CABIN1: variants seen among roughly 807,000 people sequenced by gnomAD.
CABIN1 encodes the protein calcineurin binding protein 1.
In CABIN1, 133 loss-of-function variants were observed where a neutral mutation model predicts 227.7. The observed-to-expected ratio is 0.58, with a 90% CI of 0.51 to 0.67. CABIN1 has a LOEUF of 0.67. CABIN1 is among the 30% of genes least tolerant of loss of function. The pLI is 0.00. For synonymous variants in CABIN1, 1,086 were observed against 1,155.1 expected, an observed-to-expected ratio of 0.94 and a Z score of 1.21; for missense variants, 2,408 against 2,852.5, an observed-to-expected ratio of 0.84 and a Z score of 3.55.
chr22:24,100,473 G>A (rs1477353994), intron 26 of CABIN1, among the ~76,000 whole-genome samples: 1 of 152,236 alleles, frequency 6.6e-6, no homozygotes, highest in Non-Finnish European at 1.5e-5. Context: ...GGCCTCAAGG[G>A]GCCACACTGC....
intron 32 of CABIN1, among the ~76,000 whole-genome samples, chr22:24,167,623 A>G (rs1277779095): frequency 6.6e-6 from 1 of 152,226 alleles, no homozygotes; most frequent in East Asian, 1.9e-4. Flanking sequence ...TGTGGCTGTC[A>G]TCTAAAGATG....
At chr22:24,029,293 G>A (rs2036321176) in intron 1 of CABIN1, among the ~76,000 whole-genome samples, 1 of 152,218 alleles carries the variant, frequency 6.6e-6, no homozygotes, top group African/African-American at 2.4e-5. Context: ...GTTGGAGGTT[G>A]CAGTGAGCCT....
At chr22:24,030,020 G>A (rs2036383809) in intron 1 of CABIN1, among the ~76,000 whole-genome samples, 1 of 152,180 alleles carries the variant, frequency 6.6e-6, no homozygotes. Context: ...TTTTTGATTA[G>A]CATGTAATAC....
rs780394623 is a variant in CABIN1 at position 24,178,161 on chromosome 22, G to C, written c.6628G>C (p.Glu2210Gln). The change falls in exon 37 of 37, where the codon GAG becomes CAG. Residue 2210 changes from glutamate (E) to glutamine (Q), a missense_variant. Glu to Gln is a conservative substitution (Grantham distance 29). Transcript: ENST00000263119. ...TSSQESSLESETDEDDDYMDI is the reference protein window; with the variant it reads ...TSSQESSLESQTDEDDDYMDI Reference sequence around the variant, plus strand: ...CAGCCAGGAGTCCTCGCTGGAGAGCGAGACAGACGAGGACGACGACTACAT... The same window carrying C: ...CAGCCAGGAGTCCTCGCTGGAGAGCCAGACAGACGAGGACGACGACTACAT... 1 of 1,613,542 alleles carries C rather than the reference G, an allele frequency of 6.2e-7. No individual in the cohort carries two copies. Among genetic ancestry groups the C allele is most frequent in the Admixed American group, 1.7e-5 (1 of 60,024 alleles).
Position 24,014,969 on chromosome 22 carries a change from A to G in CABIN1, c.-75+3602A>G, listed in dbSNP as rs184447839. 6.4e-4 allele frequency among the ~76,000 whole-genome samples: 98 copies of G among 152,248 alleles called. 1 individual carries two copies. The highest frequency in any genetic ancestry group is 2.1e-3 in the African/African-American group (86 of 41,548). ...TAATTGTGTTTGCTTTTTTCACTTA[A>G]TAGTATGTTTTAGGCCAGGCGTGGT... On this transcript the variant is annotated intron_variant, in intron 1 of 36. Transcript: ENST00000263119.
At chr22:24,011,771 G>C (rs899811259) in intron 1 of CABIN1, 4 of 152,280 alleles carry the variant, frequency 2.6e-5, no homozygotes, top group Non-Finnish European at 4.4e-5. Context: ...TGGAAACTGA[G>C]GCCGCGGGTA....
At position 24,084,780 on chromosome 22, in the gene CABIN1, A is replaced by G. The variant is rs756433642; in HGVS notation, c.3112A>G (p.Thr1038Ala). Residue 1038 changes from threonine (T) to alanine (A), a missense_variant, in exon 21 of 37, where the codon ACT becomes GCT. Physicochemically the swap from Thr to Ala is moderately conservative, Grantham distance 58. Coordinates refer to ENST00000263119, the MANE Select transcript of CABIN1 (RefSeq NM_012295.4). ...KVSAYIEGTS[T>A]EVPCLPEGAD... Reference sequence around the variant, plus strand: ...CTCTGCCTACATTGAGGGAACTTCAACTGAGGTGGGCCCACAACCTTGAGG... The same window carrying G: ...CTCTGCCTACATTGAGGGAACTTCAGCTGAGGTGGGCCCACAACCTTGAGG... 4 of 1,614,116 alleles carry G rather than the reference A, an allele frequency of 2.5e-6. No individual in the cohort carries two copies. Among genetic ancestry groups the G allele is most frequent in the East Asian group, 4.5e-5 (2 of 44,870 alleles).
At chr22:24,082,086 T>G in intron 19 of CABIN1, among the ~76,000 whole-genome samples, 1 of 61,004 alleles carries the variant, frequency 1.6e-5, no homozygotes, top group Admixed American at 2.0e-4. Context: ...ATTCTCTCTC[T>G]TTTTTTTTTT....
chr22:24,116,134 C>T (rs1394164909), intron 27 of CABIN1, among the ~76,000 whole-genome samples: 2 of 152,196 alleles, frequency 1.3e-5, no homozygotes, highest in South Asian at 2.1e-4. Flanking sequence ...AGAGCCTTTC[C>T]CAGAAGTGAC....
intron 19 of CABIN1, among the ~76,000 whole-genome samples, chr22:24,077,912 C>T (rs2040550851): frequency 6.6e-6 from 1 of 152,174 alleles, no homozygotes; most frequent in Non-Finnish European, 1.5e-5. Context: ...ATTCTAGCTG[C>T]TGATATCTGC....
At chr22:24,060,525 T>C (rs929373961) in intron 12 of CABIN1, among the ~76,000 whole-genome samples, 1 of 152,086 alleles carries the variant, frequency 6.6e-6, no homozygotes, top group Admixed American at 6.5e-5. Context: ...TCGGGTTGTT[T>C]ACTGAGTCAC....
intron 1 of CABIN1, among the ~76,000 whole-genome samples, chr22:24,023,887 C>T (rs1488398325): frequency 1.3e-5 from 2 of 152,100 alleles, no homozygotes; most frequent in Non-Finnish European, 2.9e-5. Flanking sequence ...TGCCTGCCAC[C>T]ATGCCCAGCT....
chr22:24,072,243 T>A, intron 17 of CABIN1, 111 bp from the exon 18 acceptor site: 1 of 1,060,538 alleles, frequency 9.4e-7, no homozygotes, highest in Non-Finnish European at 1.4e-6. Context: ...GCAGTGGGGG[T>A]GGGCAGGCAG....
At chr22:24,059,856 G>A in intron 11 of CABIN1, 68 bp from the exon 12 acceptor site, 11 of 1,381,750 alleles carry the variant, frequency 8.0e-6, no homozygotes, top group Non-Finnish European at 1.0e-5. Flanking sequence ...CTGTCCCAAA[G>A]TAAATAGGAG....
intron 19 of CABIN1, among the ~76,000 whole-genome samples, chr22:24,082,640 G>C (rs1458780057): frequency 6.6e-6 from 1 of 152,084 alleles, no homozygotes; most frequent in Non-Finnish European, 1.5e-5. Context: ...GCTAATAGTT[G>C]GGCATAACAA....
intron 2 of CABIN1, 58 bp downstream of exon 2, chr22:24,035,578 C>T (rs2036812553): frequency 3.1e-6 from 5 of 1,606,852 alleles, no homozygotes; most frequent in East Asian, 2.2e-5. Context: ...TACGTTACTC[C>T]TGGGGGCGAG....
At chr22:24,039,299 G>T (rs1477915234) in intron 4 of CABIN1, among the ~76,000 whole-genome samples, 1 of 152,178 alleles carries the variant, frequency 6.6e-6, no homozygotes, top group African/African-American at 2.4e-5. Context: ...AGACACTTAT[G>T]ACTCAAGCAA....
At position 24,072,485 on chromosome 22, in the gene CABIN1, G is replaced by A. The variant is rs548728274; in HGVS notation, c.2607G>A (p.Gln869=). 1.2e-5 allele frequency: 19 copies of A among 1,614,224 alleles called. No homozygotes were observed. The South Asian group carries it at 1.8e-4, about 15-fold the overall frequency. ...EDTFHSLCHQ[Q]QLQNPAEEGM... ...CCTTCCATTCTCTGTGCCACCAGCA[G>A]CAGCTCCAAAACCCAGCGGAGGAAG... Residue 869 remains glutamine (Q), a synonymous_variant, in exon 18 of 37, where the codon CAG becomes CAA. Coordinates refer to ENST00000263119, the MANE Select transcript of CABIN1 (RefSeq NM_012295.4).
chr22:24,056,137 G>A (rs1023534923), intron 9 of CABIN1, 55 bp from the exon 10 acceptor site: 3 of 1,462,416 alleles, frequency 2.1e-6, no homozygotes, highest in Admixed American at 1.7e-5. Context: ...TCTGTGTGGT[G>A]CATTTTTTTC....
Sources: gnomAD v4.1 joint callset for allele counts (sites outside exome capture counted in the v4.1 genomes callset) on GRCh38, gnomAD v4.1.1 for gene constraint, MANE v1.5 for transcripts, NCBI Gene and HGNC (gene_info 2026-07-23, HGNC 2026-07-21) for gene names.